Variants in OR10A3 observed in about 807,000 individuals in gnomAD.
OR10A3 encodes olfactory receptor family 10 subfamily A member 3.
OR10A3 carries 1 observed loss-of-function variant against 1.5 expected under a neutral mutation model. The ratio of observed to expected loss-of-function variants is 0.66; its 90% CI spans 0.23 to 3.11. OR10A3 has a LOEUF of 3.11. Ranked by LOEUF, OR10A3 falls within the 30% of genes most tolerant of loss-of-function variation. The pLI, the probability that OR10A3 is intolerant of heterozygous loss-of-function variation, is 0.21. For missense variants in OR10A3, 398 were observed against 369.7 expected (o/e 1.08, Z -0.63); for synonymous variants, 145 against 143.7 (o/e 1.01, Z -0.06).
At chr11:7,941,084 T>C (rs11826344) in intron 1 of OR10A3, among the ~76,000 whole-genome samples, 82 of 151,820 alleles carry the variant, frequency 5.4e-4, no homozygotes, top group African/African-American at 2.0e-3. Flanking sequence ...TCTCCTAAAA[T>C]AGACTTGGCA....
chr11:7,939,426 A>G lies in OR10A3; in HGVS notation c.95T>C (p.Leu32Pro). The part of the protein sequence containing the change: ...ELQVQLFGVF[L>P]VIYVVTLMGN... ...CATCAGGGTCACCACATAAATAACT[A>G]GGAAAACCCCAAAGAGCTGCACCTG... Residue 32 changes from leucine (L) to proline (P), a missense_variant, in exon 2 of 2, where the codon CTA becomes CCA. By Grantham distance (98) the Leu-to-Pro change is moderately conservative. Transcript: ENST00000642047. The G allele has an allele frequency of 6.2e-7, 1 of 1,613,808 alleles. No homozygotes were observed. Among genetic ancestry groups the G allele is most frequent in the Non-Finnish European group, 8.5e-7 (1 of 1,179,916 alleles).
At chr11:7,940,112 C>A (rs1941423127) in intron 1 of OR10A3, among the ~76,000 whole-genome samples, 1 of 152,156 alleles carries the variant, frequency 6.6e-6, no homozygotes, top group Non-Finnish European at 1.5e-5. Flanking sequence ...AGGTGTTTCT[C>A]TAATTTGTTG....
chr11:7,939,825 A>C, intron 1 of OR10A3, 127 bp from the exon 2 acceptor site: 1 of 295,504 alleles, frequency 3.4e-6, no homozygotes, highest in Non-Finnish European at 6.2e-6. Context: ...TCCTCTCTTA[A>C]TGCCAAGTTC....
rs1236608181 is a variant in OR10A3 at position 7,938,615 on chromosome 11, TA to T, written c.905del (p.Ile302LysfsTer8). 6.2e-7 allele frequency: 1 copy of T among 1,613,236 alleles called. No individual in the cohort carries two copies. Among genetic ancestry groups the T allele is most frequent in the East Asian group, 2.2e-5 (1 of 44,888 alleles). ...LRNSEMKRTL[I>X]KLWRRKVILH... is the part of the protein sequence containing the mutation. ...AAATCACTTTTCTTCGCCATAGTTT[TA>T]TCAAAGTCCTCTTCATCTCACTGTT... On this transcript the variant is annotated frameshift_variant, in exon 2 of 2. Coordinates refer to ENST00000642047, the MANE Select transcript of OR10A3 (RefSeq NM_001003745.2). LOFTEE classifies it high-confidence loss of function.
intron 1 of OR10A3, among the ~76,000 whole-genome samples, chr11:7,941,086 GA>G (rs1453912165): frequency 6.6e-6 from 1 of 151,566 alleles, no homozygotes; most frequent in East Asian, 1.9e-4. Flanking sequence ...TCCTAAAATA[GA>G]CTTGGCAGGA....
At position 7,938,730 on chromosome 11, in the gene OR10A3, G is replaced by T. The variant is rs1458438113; in HGVS notation, c.791C>A (p.Ser264Tyr). 1.2e-6 allele frequency: 2 copies of T among 1,614,200 alleles called. No individual in the cohort carries two copies. Among genetic ancestry groups the T allele is most frequent in the Non-Finnish European group, 1.7e-6 (2 of 1,180,044 alleles). The change falls in exon 2 of 2, where the codon TCT becomes TAT. Residue 264 changes from serine (S) to tyrosine (Y), a missense_variant. Ser to Tyr is a moderately radical substitution (Grantham distance 144, BLOSUM62 -2). Transcript: ENST00000642047. Reference sequence around the variant, plus strand: ...TTTCTTGGTTTCGGGTGAGTAGCCAGATTTGGGTTGTAAATAAGTCATATT... The same window carrying T: ...TTTCTTGGTTTCGGGTGAGTAGCCATATTTGGGTTGTAAATAAGTCATATT... ...TANMTYLQPK[S>Y]GYSPETKKLI... is the part of the protein sequence containing the mutation.
Position 7,938,629 on chromosome 11 carries a change from T to G in OR10A3, c.892A>C (p.Lys298Gln), listed in dbSNP as rs1673718369. 6.2e-7 allele frequency: 1 copy of G among 1,613,940 alleles called. No individual in the cohort carries two copies. The highest frequency in any genetic ancestry group is 8.5e-7 in the Non-Finnish European group (1 of 1,179,982). ...CGCCATAGTTTTATCAAAGTCCTCT[T>G]CATCTCACTGTTTCGTAAGCTATAG... ...LIYSLRNSEM[K>Q]RTLIKLWRRK... is the part of the protein sequence containing the mutation. Residue 298 changes from lysine (K) to glutamine (Q), a missense_variant, in exon 2 of 2, where the codon AAG becomes CAG. By Grantham distance (53) the Lys-to-Gln change is moderately conservative. Transcript: ENST00000642047.
rs747977939 is a variant in OR10A3 at position 7,939,489 on chromosome 11, T to A, written c.32A>T (p.Glu11Val). The change falls in exon 2 of 2, where the codon GAA becomes GTA. Residue 11 changes from glutamate (E) to valine (V), a missense_variant. Glu to Val is a moderately radical substitution (Grantham distance 121). Coordinates refer to ENST00000642047, the MANE Select transcript of OR10A3 (RefSeq NM_001003745.2). Reference sequence around the variant, plus strand: ...GTTAGAAAAGCCCAGGAGGATGAATTCAACCACACAGCTTTGATTTTGTCT... The same window carrying A: ...GTTAGAAAAGCCCAGGAGGATGAATACAACCACACAGCTTTGATTTTGTCT... MKRQNQSCVV[E>V]FILLGFSNFP... 6.3e-7 allele frequency: 1 copy of A among 1,578,392 alleles called. No homozygotes were observed. The highest frequency in any genetic ancestry group is 8.5e-7 in the Non-Finnish European group (1 of 1,169,696).
rs1218815420 is a variant in OR10A3, at chr11:7,939,041, G to T, written c.480C>A (p.Thr160=). The part of the protein sequence containing the change: ...ISGIMVATVQ[T]TWVFSFPFCG... Reference sequence around the variant, plus strand: ...AAAATGGAAAACTAAATACCCAAGTGGTCTGCACAGTAGCCACCATGATCC... The same window carrying T: ...AAAATGGAAAACTAAATACCCAAGTTGTCTGCACAGTAGCCACCATGATCC... Residue 160 remains threonine (T), a synonymous_variant, in exon 2 of 2, where the codon ACC becomes ACA. Coordinates refer to ENST00000642047, the MANE Select transcript of OR10A3 (RefSeq NM_001003745.2). 1 of 1,613,894 alleles carries T rather than the reference G, an allele frequency of 6.2e-7. No homozygotes were observed.
chr11:7,938,910 A>G lies in OR10A3; in HGVS notation c.611T>C (p.Ile204Thr), dbSNP rs1941396370. Residue 204 changes from isoleucine to threonine, a missense_variant, in exon 2 of 2, where the codon ATT (isoleucine) becomes ACT (threonine). Physicochemically the swap from Ile to Thr is moderately conservative, Grantham distance 89. Transcript: ENST00000642047. ...CAAGAAAGGAACCATAACAATCAAA[A>G]TGGTGCCTGTGAAGGCATAGATTTC... Reference protein sequence around the residue: ...LFEIYAFTGTILIVMVPFLLI... With the variant: ...LFEIYAFTGTTLIVMVPFLLI... 2 of 1,614,098 alleles carry G rather than the reference A, an allele frequency of 1.2e-6. No homozygotes were observed. Among genetic ancestry groups the G allele is most frequent in the Non-Finnish European group, 1.7e-6 (2 of 1,180,034 alleles).
rs1434459859 is a variant in OR10A3 at position 7,937,617 on chromosome 11, G to C, written c.*959C>G. ...TGTAGCTCTCTGGTCACCAACATTG[G>C]ATAAATATTTGGAAAGATACCAAGA... On this transcript the variant is annotated 3_prime_UTR_variant, in exon 2 of 2. Coordinates refer to ENST00000642047, the MANE Select transcript of OR10A3 (RefSeq NM_001003745.2). 6 of 152,146 alleles carry C rather than the reference G, an allele frequency of 3.9e-5. No homozygotes were observed. The highest frequency in any genetic ancestry group is 1.4e-4 in the African/African-American group (6 of 41,434). The allele number at this position is 152,146 out of a possible 1,614,324, so 9.4% of individuals were successfully genotyped here. A position where few individuals can be genotyped will look rare whatever the true frequency, so the allele number is the denominator to read the frequency against.
At chr11:7,940,001 C>CTCTGCCACTG (rs1941421784) in intron 1 of OR10A3, among the ~76,000 whole-genome samples, 1 of 152,238 alleles carries the variant, frequency 6.6e-6, no homozygotes, top group South Asian at 2.1e-4. Context: ...GCAGTCCTAA[C>CTCTGCCACTG]TCTGCCACTG....
chr11:7,940,884 C>T (rs1391642119), intron 1 of OR10A3, among the ~76,000 whole-genome samples: 3 of 152,042 alleles, frequency 2.0e-5, no homozygotes, highest in African/African-American at 4.8e-5. Flanking sequence ...CTTCAAAAAC[C>T]AGCAGAATTT....
At chr11:7,940,891 A>AT (rs1941433050) in intron 1 of OR10A3, among the ~76,000 whole-genome samples, 3 of 152,124 alleles carry the variant, frequency 2.0e-5, no homozygotes, top group Admixed American at 6.5e-5. Flanking sequence ...AACCAGCAGA[A>AT]TTTTACTGTG....
Position 7,938,825 on chromosome 11 carries a change from A to G in OR10A3, c.696T>C (p.Thr232=). The G allele has an allele frequency of 6.2e-7, 1 of 1,614,216 alleles. No homozygotes were observed. Among genetic ancestry groups the G allele is most frequent in the East Asian group, 2.2e-5 (1 of 44,882 alleles). ...AGGTGGAAAAGGCCTTTTGTCTCCC[A>G]GTAGTTGATGGCATCTTCAGGATGG... ...LFAILKMPST[T]GRQKAFSTCA... Residue 232 remains threonine (T), a synonymous_variant, in exon 2 of 2, where the codon ACT becomes ACC. Transcript: ENST00000642047.
rs1243674495 is a variant in OR10A3 at position 7,938,377 on chromosome 11, C to T, written c.*199G>A. The T allele has an allele frequency of 1.6e-5, 8 of 485,770 alleles. No homozygotes were observed. The highest frequency in any genetic ancestry group is 2.5e-5 in the Non-Finnish European group (7 of 277,404). The allele number at this position is 485,770 out of a possible 1,614,324, so 30.1% of individuals were successfully genotyped here. On this transcript the variant is annotated 3_prime_UTR_variant, in exon 2 of 2. Coordinates refer to ENST00000642047, the MANE Select transcript of OR10A3 (RefSeq NM_001003745.2). Reference sequence around the variant, plus strand: ...CATAATAGAGAAATGGATGAATAAACTGTTGTGTCATGTTATGAGAACATA... The same window carrying T: ...CATAATAGAGAAATGGATGAATAAATTGTTGTGTCATGTTATGAGAACATA...
chr11:7,939,558 G>T lies in OR10A3; in HGVS notation c.-38C>A. 6.9e-7 allele frequency: 1 copy of T among 1,441,830 alleles called. No individual in the cohort carries two copies. The highest frequency in any genetic ancestry group is 9.4e-7 in the Non-Finnish European group (1 of 1,066,578). 89.3% of individuals were successfully genotyped at this position (1,441,830 alleles called of 1,614,324 possible). On this transcript the variant is annotated 5_prime_UTR_variant, in exon 2 of 2. Transcript: ENST00000642047. ...AACTTATATTGTTTTTATGGACCTG[G>T]TATATCGAGTATGAAGTCGTAATCC...
chr11:7,938,967 A>T lies in OR10A3; in HGVS notation c.554T>A (p.Leu185Gln). Residue 185 changes from leucine (L) to glutamine (Q), a missense_variant, in exon 2 of 2, where the codon CTA becomes CAA. By Grantham distance (113) the Leu-to-Gln change is moderately radical. Coordinates refer to ENST00000642047, the MANE Select transcript of OR10A3 (RefSeq NM_001003745.2). ...NHLFCETPPVLELVCADTFLF... is the reference protein window; with the variant it reads ...NHLFCETPPVQELVCADTFLF... The stretch of plus-strand genomic sequence containing the variant: ...GAAGGTGTCTGCACACACAAGCTCT[A>T]GTACCGGGGGAGTCTCACAGAAGAG... The T allele has an allele frequency of 6.2e-7, 1 of 1,614,188 alleles. No individual in the cohort carries two copies. Among genetic ancestry groups the T allele is most frequent in the Non-Finnish European group, 8.5e-7 (1 of 1,180,024 alleles).
Position 7,938,485 on chromosome 11 carries a change from T to C in OR10A3, c.*91A>G, listed in dbSNP as rs1941387368. 4.0e-6 allele frequency: 4 copies of C among 990,674 alleles called. No individual in the cohort carries two copies. The highest frequency in any genetic ancestry group is 1.7e-5 in the South Asian group (1 of 57,796). The allele number at this position is 990,674 out of a possible 1,614,324, so 61.4% of individuals were successfully genotyped here. A position where few individuals can be genotyped will look rare whatever the true frequency, so the allele number is the denominator to read the frequency against. On this transcript the variant is annotated 3_prime_UTR_variant, in exon 2 of 2. Transcript: ENST00000642047. ...AAAACTCAACAAACTTACATAGTCA[T>C]ACAAAAAATGCAGTCTGTTTTCACC...
Sources: allele counts gnomAD v4.1 joint callset (sites outside exome capture counted in the v4.1 genomes callset), GRCh38; gene constraint gnomAD v4.1.1; transcripts MANE v1.5; gene names NCBI Gene and HGNC (gene_info 2026-07-23, HGNC 2026-07-21).